PRKN: variants seen among roughly 807,000 people sequenced by gnomAD.
PRKN encodes the protein parkin RBR E3 ubiquitin protein ligase.
Under a neutral mutation model 59.5 loss-of-function variants are expected in PRKN, and 56 were observed. That is an observed-to-expected ratio of 0.94 (90% CI 0.76 to 1.18). PRKN has a LOEUF of 1.18. Ranked by LOEUF, PRKN falls within the 50% of genes most tolerant of loss-of-function variation. PRKN has a pLI of 0.00. For synonymous variants in PRKN, 250 were observed against 222.1 expected (o/e 1.13, Z -1.12); for missense variants, 657 against 596.4 (o/e 1.10, Z -1.06).
chr6:161,805,451 T>C (rs75484417), intron 6 of PRKN, among the ~76,000 whole-genome samples: 15 of 21,916 alleles, frequency 6.8e-4, no homozygotes, highest in African/African-American at 2.9e-3. Context: ...AGTACACACA[T>C]GCACACACAC....
At chr6:162,169,725 T>C (rs1025530151) in intron 4 of PRKN, among the ~76,000 whole-genome samples, 22 of 152,346 alleles carry the variant, frequency 1.4e-4, no homozygotes, top group African/African-American at 5.0e-4. Flanking sequence ...GACTCAGTTG[T>C]TAAAACTGCG....
chr6:162,584,509 G>A (rs1562408651), intron 1 of PRKN, among the ~76,000 whole-genome samples: 1 of 151,884 alleles, frequency 6.6e-6, no homozygotes, highest in African/African-American at 2.4e-5. Context: ...GTCCAGCCAG[G>A]AAAAAATAAT....
At chr6:161,426,389 T>G (rs188491732) in intron 9 of PRKN, among the ~76,000 whole-genome samples, 1 of 152,234 alleles carries the variant, frequency 6.6e-6, no homozygotes, top group African/African-American at 2.4e-5. Context: ...ACCCTTAATC[T>G]GAGTGGACAC....
intron 1 of PRKN, among the ~76,000 whole-genome samples, chr6:162,656,810 C>T (rs1778661541): frequency 6.6e-6 from 1 of 152,128 alleles, no homozygotes; most frequent in African/African-American, 2.4e-5. Flanking sequence ...AGATGTATTC[C>T]AGCATAAGAC....
rs568663898 is a variant in PRKN, at chr6:162,500,684, T to C, written c.8-57211A>G. On this transcript the variant is annotated intron_variant, in intron 1 of 11. Coordinates refer to ENST00000366898, the MANE Select transcript of PRKN (RefSeq NM_004562.3). ...ACACAAAGAACTAAATAAGGCATGC[T>C]AACAAATAGATTGGCTGGTGAATCC... 3.6e-4 allele frequency among the ~76,000 whole-genome samples: 55 copies of C among 152,342 alleles called. 1 individual carries two copies. Among genetic ancestry groups the C allele is most frequent in the Admixed American group, 3.5e-3 (54 of 15,298 alleles).
chr6:161,436,159 G>GAGGGGGCGAGATGGGAGGGCAGAGAGC, intron 9 of PRKN, among the ~76,000 whole-genome samples: 4 of 126,682 alleles, frequency 3.2e-5, no homozygotes, highest in African/African-American at 1.2e-4. Flanking sequence ...GGGCAGAGAG[G>GAGGGGGCGAGATGGGAGGGCAGAGAGC]AGGGGGCGAG....
At chr6:162,045,698 C>T (rs770315260) in intron 5 of PRKN, among the ~76,000 whole-genome samples, 1 of 152,220 alleles carries the variant, frequency 6.6e-6, no homozygotes, top group Non-Finnish European at 1.5e-5. Flanking sequence ...TTAATGACCG[C>T]CATCAAGGCA....
At chr6:161,990,015 G>A (rs759911234) in intron 5 of PRKN, among the ~76,000 whole-genome samples, 1 of 152,164 alleles carries the variant, frequency 6.6e-6, no homozygotes, top group Non-Finnish European at 1.5e-5. Context: ...AACCAGAGAT[G>A]TGGCTTGCCA....
intron 7 of PRKN, among the ~76,000 whole-genome samples, chr6:161,767,358 AAAAAC>A (rs1789468513): frequency 6.6e-6 from 1 of 152,176 alleles, no homozygotes; most frequent in East Asian, 1.9e-4. Flanking sequence ...CTAAAAATAC[AAAAAC>A]AAAATTAGTC....
At chr6:161,992,353 G>C (rs1010362368) in intron 5 of PRKN, among the ~76,000 whole-genome samples, 1 of 152,004 alleles carries the variant, frequency 6.6e-6, no homozygotes, top group African/African-American at 2.4e-5. Context: ...AAAAGAGAGA[G>C]AGAGACAAAG....
rs1391839235 is a variant in PRKN, at chr6:161,361,121, C to A, written c.1168-916G>T. Among the ~76,000 whole-genome samples the A allele has an allele frequency of 6.6e-5, 10 of 152,028 alleles. No homozygotes were observed. Among genetic ancestry groups the A allele is most frequent in the African/African-American group, 2.4e-4 (10 of 41,396 alleles). ...GGCTAGCTGTGCTTGACATCTGTGA[C>A]CTTAAGGACCAGCCATTCGCTGATT... is the stretch of plus-strand genomic sequence containing the variant. On this transcript the variant is annotated intron_variant, in intron 10 of 11. Transcript: ENST00000366898. This position sits in a 1 kb window ranked among gnomAD's most constrained non-coding sequence, Gnocchi z 5.2.
At position 161,720,180 on chromosome 6, in the gene PRKN, A is replaced by T. The variant is rs6924558; in HGVS notation, c.871+65592T>A. On this transcript the variant is annotated intron_variant, in intron 7 of 11. Coordinates refer to ENST00000366898, the MANE Select transcript of PRKN (RefSeq NM_004562.3). ...TGCTGCCACCTGATAATTATTAACC[A>T]TACTAACAATAATAAAAAACATTAT... 9.4e-3 allele frequency among the ~76,000 whole-genome samples: 1,432 copies of T among 152,374 alleles called. 20 individuals are homozygous for T. Among genetic ancestry groups the T allele is most frequent in the African/African-American group, 0.033 (1,372 of 41,590 alleles).
At chr6:161,828,740 A>G (rs1390805053) in intron 6 of PRKN, among the ~76,000 whole-genome samples, 2 of 152,042 alleles carry the variant, frequency 1.3e-5, no homozygotes, top group Admixed American at 6.6e-5. Context: ...CCAAAATGAC[A>G]AAACCCCATC....
intron 9 of PRKN, among the ~76,000 whole-genome samples, chr6:161,425,112 C>G (rs897674206): frequency 4.2e-5 from 6 of 142,544 alleles, no homozygotes; most frequent in Non-Finnish European, 7.6e-5. Flanking sequence ...GACTCTCTTT[C>G]TCTGTCTCCT....
chr6:162,448,420 G>A (rs2128169736), intron 1 of PRKN, among the ~76,000 whole-genome samples: 1 of 151,746 alleles, frequency 6.6e-6, no homozygotes, highest in Non-Finnish European at 1.5e-5. Flanking sequence ...ATACTCTTCC[G>A]TGAGCCAACA....
intron 4 of PRKN, among the ~76,000 whole-genome samples, chr6:162,102,900 A>G (rs368520396): frequency 0.028 from 4,174 of 151,486 alleles, 214 homozygotes; most frequent in African/African-American, 0.097. Flanking sequence ...AAAATTAGCC[A>G]GGCGTGGTGG....
At chr6:161,999,157 C>T (rs1399227931) in intron 5 of PRKN, among the ~76,000 whole-genome samples, 1 of 152,072 alleles carries the variant, frequency 6.6e-6, no homozygotes, top group Non-Finnish European at 1.5e-5. Flanking sequence ...CCTCTTCACA[C>T]CTCTCAGAAT....
intron 1 of PRKN, among the ~76,000 whole-genome samples, chr6:162,460,816 C>A (rs548533089): frequency 2.6e-5 from 4 of 152,248 alleles, no homozygotes; most frequent in Non-Finnish European, 4.4e-5. Flanking sequence ...TGTTAAATAT[C>A]TCACAGTTGC....
chr6:161,621,840 A>G (rs944749493), intron 7 of PRKN, among the ~76,000 whole-genome samples: 1 of 152,154 alleles, frequency 6.6e-6, no homozygotes, highest in East Asian at 1.9e-4. Flanking sequence ...GTGCTCTACA[A>G]CATAGGCCAC....
Sources: allele counts gnomAD v4.1 joint callset (sites outside exome capture counted in the v4.1 genomes callset), GRCh38; gene constraint gnomAD v4.1.1; non-coding constraint Gnocchi (gnomAD v3.1); transcripts MANE v1.5; gene names NCBI Gene and HGNC (gene_info 2026-07-23, HGNC 2026-07-21).